Variants in ANKRD44 observed in about 807,000 individuals in gnomAD.
The protein encoded by ANKRD44 is serine/threonine-protein phosphatase 6 regulatory ankyrin repeat subunit B.
Under a neutral mutation model 116.0 loss-of-function variants are expected in ANKRD44, and 35 were observed. The ratio of observed to expected loss-of-function variants is 0.30; its 90% confidence interval spans 0.23 to 0.40. The LOEUF is 0.40. ANKRD44 is among the 10% of genes least tolerant of loss of function. The probability of loss-of-function intolerance (pLI) is 1.00; values close to 1 mark genes in which losing one functional copy is unlikely to be tolerated. For synonymous variants in ANKRD44, 435 were observed against 461.8 expected (o/e 0.94, Z 0.74); for missense variants, 1,014 against 1,242.6 (o/e 0.82, Z 2.77).
chr2:197,206,909 A>G (rs13389435), intron 1 of ANKRD44, among the ~76,000 whole-genome samples: 4,411 of 152,320 alleles, frequency 0.029, 248 homozygotes, highest in African/African-American at 0.099. Flanking sequence ...ATGTTCATAC[A>G]TAACAGTGTC....
intron 17 of ANKRD44, among the ~76,000 whole-genome samples, chr2:197,021,917 T>C (rs1321426993): frequency 6.6e-6 from 1 of 152,248 alleles, no homozygotes; most frequent in Non-Finnish European, 1.5e-5. Context: ...AATGGATCTG[T>C]CTGGAAATCT....
At chr2:196,971,178 C>T (rs2075713268) in intron 21 of ANKRD44, among the ~76,000 whole-genome samples, 1 of 152,100 alleles carries the variant, frequency 6.6e-6, no homozygotes, top group African/African-American at 2.4e-5. Flanking sequence ...ATACTTTCTT[C>T]CTATAACATT....
Position 196,988,568 on chromosome 2 carries a change from G to A in ANKRD44, c.*1023C>T. On this transcript the variant is annotated 3_prime_UTR_variant, in exon 28 of 28. Coordinates refer to ENST00000282272, the MANE Select transcript of ANKRD44 (RefSeq NM_001195144.2). ...CCAGGATATTAAGAGTAAGATTAAA[G>A]TTTTATAGCTAGATGAAAAATATAA... 4 of 984,182 alleles carry A rather than the reference G, an allele frequency of 4.1e-6. No individual in the cohort carries two copies. Among genetic ancestry groups the A allele is most frequent in the Non-Finnish European group, 4.8e-6 (4 of 828,840 alleles). The allele number at this position is 984,182 out of a possible 1,614,324, so 61.0% of individuals were successfully genotyped here.
At position 196,968,364 on chromosome 2, in the gene ANKRD44, C is replaced by T. The variant is rs1359861687; in HGVS notation, c.2369-918G>A. On this transcript the variant is annotated intron_variant, in intron 21 of 21. Transcript: ENST00000424317. ...ACCAAGGAGTTTATGTCTTACTTCA[C>T]AGATAAATTTCACAGCATCATCATC... 2.0e-5 allele frequency among the ~76,000 whole-genome samples: 3 copies of T among 152,184 alleles called. No homozygotes were observed. In the East Asian group the frequency reaches 5.8e-4, roughly 29 times the overall value.
chr2:197,129,623 G>A (rs967825669), intron 4 of ANKRD44, among the ~76,000 whole-genome samples: 1 of 152,132 alleles, frequency 6.6e-6, no homozygotes, highest in Admixed American at 6.6e-5. Flanking sequence ...TCATATGGGA[G>A]GTAACTGGAC....
At chr2:197,211,274 G>C (rs2081317789) in intron 1 of ANKRD44, among the ~76,000 whole-genome samples, 1 of 152,240 alleles carries the variant, frequency 6.6e-6, no homozygotes, top group Admixed American at 6.5e-5. Context: ...CCTCCAGGGT[G>C]AGAGACAACC....
At chr2:197,141,546 A>G (rs1476169649) in intron 3 of ANKRD44, among the ~76,000 whole-genome samples, 1 of 152,208 alleles carries the variant, frequency 6.6e-6, no homozygotes, top group East Asian at 1.9e-4. Flanking sequence ...AACCTCATAC[A>G]GTGACCCACA....
intron 13 of ANKRD44, among the ~76,000 whole-genome samples, chr2:197,086,232 C>A (rs2077919226): frequency 6.6e-6 from 1 of 152,070 alleles, no homozygotes; most frequent in Admixed American, 6.5e-5. Flanking sequence ...CATAAAGGAC[C>A]ATTAAGGTAA....
downstream of ANKRD44, among the ~76,000 whole-genome samples, chr2:196,985,345 T>A (rs574354318): frequency 6.6e-6 from 1 of 152,336 alleles, no homozygotes; most frequent in East Asian, 1.9e-4. Flanking sequence ...GCCACTAAGT[T>A]TTGGGGTAAT....
intron 8 of ANKRD44, among the ~76,000 whole-genome samples, 176 bp from the exon 9 acceptor site, chr2:197,111,020 C>G (rs1300936192): frequency 6.6e-6 from 1 of 152,098 alleles, no homozygotes; most frequent in South Asian, 2.1e-4. Context: ...CACTGTACTC[C>G]AGCCTGGGTG....
rs548648300 is a variant in ANKRD44 at position 197,140,459 on chromosome 2, C to T, written c.191-3797G>A. Among the ~76,000 whole-genome samples, 5 of 152,272 alleles carry T rather than the reference C, an allele frequency of 3.3e-5. No individual in the cohort carries two copies. In the East Asian group the frequency reaches 9.6e-4, roughly 29 times the overall value. ...TCAGCCTCCAGAGTAGCTAGGACTG[C>T]CAGCACATGCCACCATGCCCAGCTA... On this transcript the variant is annotated intron_variant, in intron 3 of 27. Coordinates refer to ENST00000282272, the MANE Select transcript of ANKRD44 (RefSeq NM_001195144.2).
intron 16 of ANKRD44, among the ~76,000 whole-genome samples, chr2:197,026,050 A>C (rs796258655): frequency 1.3e-5 from 2 of 149,276 alleles, no homozygotes; most frequent in Admixed American, 6.6e-5. Flanking sequence ...AAAGAAACAA[A>C]AAAAAAAAAA....
intron 16 of ANKRD44, among the ~76,000 whole-genome samples, chr2:197,040,376 C>CTTTTTTT (rs56405646): frequency 8.2e-6 from 1 of 122,692 alleles, no homozygotes; most frequent in Non-Finnish European, 1.6e-5. Context: ...GGAGGTAAGC[C>CTTTTTTT]TTTTTTTTTT....
intron 1 of ANKRD44, among the ~76,000 whole-genome samples, chr2:197,226,608 G>C (rs1396255175): frequency 6.6e-6 from 1 of 152,026 alleles, no homozygotes; most frequent in African/African-American, 2.4e-5. Context: ...AGGTTGCAGT[G>C]AGCTCAGATC....
At chr2:197,126,802 T>C (rs4850763) in intron 4 of ANKRD44, among the ~76,000 whole-genome samples, 73,191 of 125,668 alleles carry the variant, frequency 0.58, 20,174 homozygotes, top group East Asian at 0.94. Context: ...TTGCATTGCT[T>C]TTAATGGCAA....
At chr2:196,997,517 T>G (rs1277906920) in intron 25 of ANKRD44, among the ~76,000 whole-genome samples, 3 of 150,492 alleles carry the variant, frequency 2.0e-5, no homozygotes, top group Non-Finnish European at 4.4e-5. Context: ...TGGAGTGATC[T>G]CAGCTCACTG....
intron 16 of ANKRD44, among the ~76,000 whole-genome samples, chr2:197,060,509 C>T (rs983638392): frequency 1.3e-5 from 2 of 152,162 alleles, no homozygotes; most frequent in African/African-American, 2.4e-5. Context: ...TCCTAATATC[C>T]GTCACCTCAG....
intron 3 of ANKRD44, among the ~76,000 whole-genome samples, chr2:197,143,818 T>C (rs2079433425): frequency 6.6e-6 from 1 of 152,044 alleles, no homozygotes; most frequent in Non-Finnish European, 1.5e-5. Flanking sequence ...TTAGTAGAGA[T>C]GGGTTTCATC....
At chr2:197,308,619 C>T (rs1207567304) in intron 1 of ANKRD44, among the ~76,000 whole-genome samples, 3 of 152,020 alleles carry the variant, frequency 2.0e-5, no homozygotes, top group African/African-American at 7.3e-5. Context: ...ACCAAATAAA[C>T]GTTGTGTGAC....
Sources: allele counts gnomAD v4.1 joint callset (sites outside exome capture counted in the v4.1 genomes callset), GRCh38; gene constraint gnomAD v4.1.1; transcripts MANE v1.5; gene names NCBI Gene and HGNC (gene_info 2026-07-23, HGNC 2026-07-21).